The following GALK2 variants were observed in gnomAD, a reference collection of about 807,000 sequenced individuals.
GALK2 encodes N-acetylgalactosamine kinase.
In GALK2, 36 loss-of-function variants were observed where a neutral mutation model predicts 52.4. That is an observed-to-expected ratio of 0.69 (90% CI 0.53 to 0.91). The LOEUF is 0.91. GALK2 is among the 40% of genes least tolerant of loss of function. The pLI is 0.00. For synonymous variants in GALK2, 176 were observed against 199.1 expected, an observed-to-expected ratio of 0.88 and a Z score of 0.98; for missense variants, 579 against 559.1, an observed-to-expected ratio of 1.04 and a Z score of -0.36.
At chr15:49,233,663 CTTG>C (rs985870222) in intron 3 of GALK2, among the ~76,000 whole-genome samples, 3 of 152,156 alleles carry the variant, frequency 2.0e-5, no homozygotes, top group African/African-American at 7.2e-5. Context: ...TGTGTGACCT[CTTG>C]TTGATGGTGA....
intron 5 of GALK2, among the ~76,000 whole-genome samples, chr15:49,249,954 A>C (rs952664562): frequency 6.6e-6 from 1 of 152,148 alleles, no homozygotes; most frequent in Non-Finnish European, 1.5e-5. Flanking sequence ...TCTTTTAAAA[A>C]GTTCTAAGTT....
chr15:49,317,119 T>G (rs1018354129), intron 8 of GALK2, among the ~76,000 whole-genome samples: 21 of 151,886 alleles, frequency 1.4e-4, no homozygotes, highest in Non-Finnish European at 2.8e-4. Flanking sequence ...TATAAAATGT[T>G]AGGGCTGGGA....
chr15:49,243,690 C>G (rs1386002879), intron 5 of GALK2, among the ~76,000 whole-genome samples: 1 of 152,068 alleles, frequency 6.6e-6, no homozygotes, highest in Non-Finnish European at 1.5e-5. Flanking sequence ...GCAGAAGAAT[C>G]AAAGACATGA....
intron 5 of GALK2, among the ~76,000 whole-genome samples, chr15:49,264,482 T>A (rs1343522071): frequency 6.6e-6 from 1 of 152,234 alleles, no homozygotes; most frequent in African/African-American, 2.4e-5. Flanking sequence ...TAAATTTTTT[T>A]CAAAGTTTTC....
chr15:49,333,703 G>C (rs527885544), downstream of GALK2, among the ~76,000 whole-genome samples: 2 of 152,244 alleles, frequency 1.3e-5, no homozygotes, highest in East Asian at 3.9e-4. Flanking sequence ...CAAAGTTATA[G>C]TCTCCCTAGG....
chr15:49,218,399 A>T (rs773340678), intron 3 of GALK2, among the ~76,000 whole-genome samples: 3 of 152,204 alleles, frequency 2.0e-5, no homozygotes, highest in Non-Finnish European at 4.4e-5. Flanking sequence ...AATTTACTTA[A>T]TCATTCCCAC....
At chr15:49,164,028 A>G (rs557203517) in intron 1 of GALK2, among the ~76,000 whole-genome samples, 1 of 152,340 alleles carries the variant, frequency 6.6e-6, no homozygotes, top group African/African-American at 2.4e-5. Flanking sequence ...TTCTGGAAAG[A>G]AAACTCGTGG....
chr15:49,351,924 G>A (rs1406247645), intron 3 of GALK2, among the ~76,000 whole-genome samples: 1 of 152,140 alleles, frequency 6.6e-6, no homozygotes, highest in Non-Finnish European at 1.5e-5. Flanking sequence ...AAAACTTAGG[G>A]GCATAAAGCA....
intron 1 of GALK2, among the ~76,000 whole-genome samples, chr15:49,164,666 A>G (rs567739349): frequency 6.6e-6 from 1 of 151,324 alleles, no homozygotes; most frequent in East Asian, 2.0e-4. Flanking sequence ...CTGTAATCCC[A>G]GATGCTCCGG....
intron 1 of GALK2, among the ~76,000 whole-genome samples, chr15:49,198,298 T>C (rs2087420752): frequency 6.6e-6 from 1 of 152,210 alleles, no homozygotes. Context: ...TGTATTCTTA[T>C]TCACCTGCAC....
chr15:49,189,672 C>G (rs1470219171), intron 1 of GALK2, among the ~76,000 whole-genome samples: 1 of 152,062 alleles, frequency 6.6e-6, no homozygotes, highest in Admixed American at 6.5e-5. Flanking sequence ...AATATAGAGA[C>G]AATACAGAGT....
intron 1 of GALK2, among the ~76,000 whole-genome samples, chr15:49,176,008 G>A (rs1381749412): frequency 2.0e-5 from 3 of 152,220 alleles, no homozygotes. Context: ...CAGGAGTCTT[G>A]CTGATGCTCC....
intron 2 of GALK2, among the ~76,000 whole-genome samples, chr15:49,204,875 C>T (rs544140577): frequency 3.9e-5 from 6 of 152,208 alleles, no homozygotes; most frequent in South Asian, 4.1e-4. Flanking sequence ...CACAAGTCCC[C>T]GATGTCCATT....
chr15:49,231,124 A>T (rs1483014947), intron 3 of GALK2, among the ~76,000 whole-genome samples: 3 of 152,202 alleles, frequency 2.0e-5, no homozygotes, highest in Non-Finnish European at 4.4e-5. Context: ...TGGGTAATTT[A>T]TAAATAAAAG....
intron 5 of GALK2, among the ~76,000 whole-genome samples, chr15:49,245,268 C>T (rs997095508): frequency 6.6e-6 from 1 of 152,116 alleles, no homozygotes; most frequent in Non-Finnish European, 1.5e-5. Flanking sequence ...GAATTGGAAG[C>T]AAAAGCAAAG....
intron 8 of GALK2, among the ~76,000 whole-genome samples, chr15:49,299,182 G>T (rs1649958520): frequency 6.6e-6 from 1 of 152,088 alleles, no homozygotes; most frequent in African/African-American, 2.4e-5. Flanking sequence ...GCACAGAGGT[G>T]TCCACAATAG....
At chr15:49,213,169 C>T (rs2141363694) in intron 2 of GALK2, among the ~76,000 whole-genome samples, 1 of 152,294 alleles carries the variant, frequency 6.6e-6, no homozygotes, top group Non-Finnish European at 1.5e-5. Flanking sequence ...TATCTGAGTG[C>T]TCCAGCATTG....
intron 8 of GALK2, among the ~76,000 whole-genome samples, chr15:49,294,923 G>C (rs1244100090): frequency 1.3e-5 from 2 of 152,140 alleles, no homozygotes; most frequent in Non-Finnish European, 2.9e-5. Flanking sequence ...AGTAGCACAA[G>C]GAGTCGAGTA....
intron 8 of GALK2, among the ~76,000 whole-genome samples, chr15:49,300,398 C>T (rs2035007394): frequency 1.3e-5 from 2 of 152,052 alleles, no homozygotes; most frequent in Admixed American, 1.3e-4. Context: ...CCACTCATCA[C>T]TCTGTGTCTT....
Sources: allele counts gnomAD v4.1 joint callset (sites outside exome capture counted in the v4.1 genomes callset), GRCh38; gene constraint gnomAD v4.1.1; transcripts MANE v1.5; gene names NCBI Gene and HGNC (gene_info 2026-07-23, HGNC 2026-07-21).